Variants in DCLK1 observed in about 807,000 individuals in gnomAD.
The protein encoded by DCLK1 is doublecortin like kinase 1.
Under a neutral mutation model 86.2 loss-of-function variants are expected in DCLK1, and 16 were observed. That is an observed-to-expected ratio of 0.19 (90% CI 0.13 to 0.28). The LOEUF (loss-of-function observed/expected upper bound fraction) is 0.28. DCLK1 is among the 10% of genes least tolerant of loss of function. The pLI is 1.00. For missense variants in DCLK1, 590 were observed against 940.2 expected (o/e 0.63, Z 4.87); for synonymous variants, 369 against 370.5 (o/e 1.00, Z 0.05).
chr13:36,065,141 C>T (rs1323036956), intron 3 of DCLK1, among the ~76,000 whole-genome samples: 2 of 152,150 alleles, frequency 1.3e-5, no homozygotes, highest in Non-Finnish European at 2.9e-5. Context: ...TCTAGGATTT[C>T]CCAGAGAAAT....
intron 4 of DCLK1, among the ~76,000 whole-genome samples, chr13:35,891,689 A>G (rs956016468): frequency 6.6e-6 from 1 of 152,234 alleles, no homozygotes; most frequent in African/African-American, 2.4e-5. Context: ...AGTGATGTGC[A>G]AAGTAAAGTG....
chr13:36,110,966 G>A (rs1181621884), intron 3 of DCLK1, among the ~76,000 whole-genome samples: 3 of 151,246 alleles, frequency 2.0e-5, no homozygotes. Context: ...GAGTAGCTGG[G>A]ACTACAGGCG....
chr13:35,859,999 A>G (rs1871291615), intron 5 of DCLK1, among the ~76,000 whole-genome samples: 2 of 152,376 alleles, frequency 1.3e-5, no homozygotes, highest in African/African-American at 4.8e-5. Flanking sequence ...AAGCGAGACT[A>G]TCTAATTAAA....
At chr13:36,041,946 T>C (rs1240578850) in intron 3 of DCLK1, among the ~76,000 whole-genome samples, 1 of 152,216 alleles carries the variant, frequency 6.6e-6, no homozygotes, top group African/African-American at 2.4e-5. Flanking sequence ...TAAGGAATTT[T>C]TATTGTCTCT....
intron 6 of DCLK1, chr13:35,850,453 G>C (rs1566566702): frequency 8.0e-6 from 9 of 1,121,216 alleles, no homozygotes; most frequent in African/African-American, 1.6e-5. Context: ...AATTCATCTA[G>C]AGCCAGGCCC....
chr13:36,101,886 G>T (rs903059732), intron 3 of DCLK1, among the ~76,000 whole-genome samples: 2 of 152,024 alleles, frequency 1.3e-5, no homozygotes, highest in African/African-American at 4.8e-5. Flanking sequence ...TGGTATTACA[G>T]GCACCCACCA....
intron 5 of DCLK1, among the ~76,000 whole-genome samples, chr13:35,861,987 G>C (rs1447922966): frequency 7.2e-6 from 1 of 139,586 alleles, no homozygotes; most frequent in Non-Finnish European, 1.5e-5. Context: ...AGCGGAGATT[G>C]CGCCCACCGC....
At chr13:35,850,323 G>GA in intron 6 of DCLK1, 1 of 986,908 alleles carries the variant, frequency 1.0e-6, no homozygotes, top group Non-Finnish European at 1.2e-6. Flanking sequence ...AGAAAGTACA[G>GA]AAAAATTATA....
At chr13:35,970,136 C>T (rs2153139253) in intron 3 of DCLK1, among the ~76,000 whole-genome samples, 1 of 152,292 alleles carries the variant, frequency 6.6e-6, no homozygotes, top group South Asian at 2.1e-4. Context: ...TATTAAGGGA[C>T]CGAGACCCTC....
At chr13:35,850,860 C>T (rs1330455923) in intron 6 of DCLK1, 2 of 1,179,550 alleles carry the variant, frequency 1.7e-6, no homozygotes, top group Admixed American at 5.8e-5. Context: ...ACTGAATGGG[C>T]ATCCCCAGTT....
chr13:35,989,080 T>TAGA (rs1232420727), intron 3 of DCLK1, among the ~76,000 whole-genome samples: 1 of 152,152 alleles, frequency 6.6e-6, no homozygotes, highest in Non-Finnish European at 1.5e-5. Flanking sequence ...GCCCATGATT[T>TAGA]AGAAGATAAT....
intron 6 of DCLK1, among the ~76,000 whole-genome samples, chr13:35,852,675 G>A (rs1050204454): frequency 1.3e-5 from 2 of 152,174 alleles, no homozygotes; most frequent in African/African-American, 4.8e-5. Flanking sequence ...GAAATTTTCT[G>A]CCTCAGTTGG....
chr13:35,895,458 A>G (rs1166336779), intron 4 of DCLK1, among the ~76,000 whole-genome samples: 1 of 152,188 alleles, frequency 6.6e-6, no homozygotes, highest in African/African-American at 2.4e-5. Flanking sequence ...TCCCATTTAA[A>G]TTACATGTAG....
At chr13:35,969,575 A>C (rs1275549733) in intron 3 of DCLK1, among the ~76,000 whole-genome samples, 1 of 152,156 alleles carries the variant, frequency 6.6e-6, no homozygotes, top group Non-Finnish European at 1.5e-5. Flanking sequence ...TTTTAAGCCA[A>C]GTTTGTGATA....
At chr13:35,957,927 C>A (rs911508214) in intron 3 of DCLK1, among the ~76,000 whole-genome samples, 2 of 147,566 alleles carry the variant, frequency 1.4e-5, no homozygotes, top group African/African-American at 5.0e-5. Flanking sequence ...ACTGCTATAA[C>A]CATCACCACT....
chr13:36,022,869 G>C (rs750028717), intron 3 of DCLK1, among the ~76,000 whole-genome samples: 1 of 152,008 alleles, frequency 6.6e-6, no homozygotes, highest in Non-Finnish European at 1.5e-5. Flanking sequence ...TTCCAAAAAA[G>C]AGGAAATAAA....
intron 15 of DCLK1, among the ~76,000 whole-genome samples, chr13:35,798,453 C>T (rs372393268): frequency 6.6e-5 from 10 of 152,108 alleles, no homozygotes; most frequent in African/African-American, 2.2e-4. Flanking sequence ...TAAAATATTC[C>T]CACGTAGTTT....
chr13:35,792,846 A>G (rs1459453710), intron 16 of DCLK1, among the ~76,000 whole-genome samples: 1 of 152,222 alleles, frequency 6.6e-6, no homozygotes, highest in Non-Finnish European at 1.5e-5. Context: ...ATTTCTAAGG[A>G]GCAAGACATC....
intron 4 of DCLK1, 116 bp downstream of exon 4, chr13:35,947,242 G>T (rs1877435000): frequency 9.3e-6 from 6 of 645,296 alleles, no homozygotes; most frequent in Admixed American, 2.9e-5. Context: ...GACACGCTGG[G>T]TGAGGATCTG....
Sources: allele counts gnomAD v4.1 joint callset (sites outside exome capture counted in the v4.1 genomes callset), GRCh38; gene constraint gnomAD v4.1.1; transcripts MANE v1.5; gene names NCBI Gene and HGNC (gene_info 2026-07-23, HGNC 2026-07-21).